CACNA1B: variants seen among roughly 807,000 people sequenced by gnomAD.
CACNA1B encodes voltage-dependent N-type calcium channel subunit alpha-1B.
Under a neutral mutation model 247.2 loss-of-function variants are expected in CACNA1B, and 70 were observed. The observed-to-expected ratio is 0.28, with a 90% CI of 0.23 to 0.35. CACNA1B has a LOEUF of 0.35. CACNA1B is among the 10% of genes least tolerant of loss of function. The pLI is 1.00. For synonymous variants in CACNA1B, 1,231 were observed against 1,294.4 expected (o/e 0.95, Z 1.05); for missense variants, 2,367 against 3,197.4 (o/e 0.74, Z 6.26).
chr9:138,053,002 G>A (rs540830390), intron 25 of CACNA1B, among the ~76,000 whole-genome samples: 2 of 152,348 alleles, frequency 1.3e-5, no homozygotes, highest in African/African-American at 4.8e-5. Context: ...AGGGAATGCT[G>A]AGCTTCCAGG....
At chr9:137,984,295 A>T (rs1303992267) in intron 13 of CACNA1B, 45 bp downstream of exon 13, 2 of 1,378,470 alleles carry the variant, frequency 1.5e-6, no homozygotes, top group African/African-American at 1.4e-5. Flanking sequence ...TAGGGTGGAG[A>T]GGGCGTGGGA....
intron 10 of CACNA1B, among the ~76,000 whole-genome samples, chr9:137,962,778 G>A (rs910312742): frequency 6.6e-6 from 1 of 152,154 alleles, no homozygotes; most frequent in African/African-American, 2.4e-5. Flanking sequence ...TTTTGCATTT[G>A]CTGAGGAGTG....
chr9:138,111,106 A>C (rs1170952724), intron 39 of CACNA1B, among the ~76,000 whole-genome samples: 1 of 152,228 alleles, frequency 6.6e-6, no homozygotes, highest in Non-Finnish European at 1.5e-5. Flanking sequence ...CAGTCGGAAA[A>C]GAAAATGGTG....
intron 12 of CACNA1B, among the ~76,000 whole-genome samples, chr9:137,981,120 C>A (rs1425528698): frequency 6.6e-6 from 1 of 152,168 alleles, no homozygotes; most frequent in African/African-American, 2.4e-5. Flanking sequence ...CCACCAACAT[C>A]CCCTTTTCTC....
chr9:138,026,116 C>G (rs2133443331), intron 20 of CACNA1B, among the ~76,000 whole-genome samples: 1 of 152,334 alleles, frequency 6.6e-6, no homozygotes, highest in Middle Eastern at 3.4e-3. Flanking sequence ...GCAGACAGAT[C>G]TCCAGACACA....
intron 10 of CACNA1B, among the ~76,000 whole-genome samples, chr9:137,960,417 GAGGT>G (rs1958004416): frequency 1.8e-4 from 2 of 10,908 alleles, no homozygotes; most frequent in African/African-American, 3.5e-4. Flanking sequence ...AGGGGGAGGG[GAGGT>G]CAGCCTGAGA....
In CACNA1B at chr9:137,899,946, G is replaced by A. The variant is rs534624892; in HGVS notation, c.531-13234G>A. 2.2e-4 allele frequency among the ~76,000 whole-genome samples: 34 copies of A among 152,312 alleles called. No homozygotes were observed. The highest frequency in any genetic ancestry group is 3.4e-3 in the Middle Eastern group (1 of 294). ...GGTAGGGCTCTGTGCCACAGGGACG[G>A]GGTACAGGGGCTGGCCAGCGTGGGC... On this transcript the variant is annotated intron_variant, in intron 3 of 46. Coordinates refer to ENST00000371372, the MANE Select transcript of CACNA1B (RefSeq NM_000718.4). The surrounding 1 kb of genome is among the most constrained non-coding windows in gnomAD (Gnocchi z 5.0).
rs752746683 is a variant in CACNA1B, at chr9:138,054,751, G to A, written c.3968+745G>A. ...ACTCAGCCTTAGTAGATGCTGCCAG[G>A]CCCTTGTGTAAAATTACACTCTCTC... On this transcript the variant is annotated intron_variant, in intron 26 of 46. Coordinates refer to ENST00000371372, the MANE Select transcript of CACNA1B (RefSeq NM_000718.4). The surrounding 1 kb of genome is among the most constrained non-coding windows in gnomAD (Gnocchi z 4.6). 4.6e-5 allele frequency among the ~76,000 whole-genome samples: 7 copies of A among 152,176 alleles called. No individual in the cohort carries two copies. Among genetic ancestry groups the A allele is most frequent in the Non-Finnish European group, 8.8e-5 (6 of 68,026 alleles).
intron 21 of CACNA1B, among the ~76,000 whole-genome samples, chr9:138,046,597 G>A (rs1454289244): frequency 6.6e-6 from 1 of 152,270 alleles, no homozygotes; most frequent in East Asian, 1.9e-4. Flanking sequence ...GTACTCCAGT[G>A]AAGTTTTATT....
chr9:138,000,168 G>A lies in CACNA1B; in HGVS notation c.1975-6599G>A, dbSNP rs910001099. On this transcript the variant is annotated intron_variant, in intron 15 of 46. Transcript: ENST00000371372. The stretch of plus-strand genomic sequence containing the variant: ...GGCTGGAGTGCAGTGGTGCGATCTC[G>A]GCTCACTGCAAGCTCCGCCTCCCGG... 1.4e-4 allele frequency among the ~76,000 whole-genome samples: 21 copies of A among 150,994 alleles called. 1 individual carries two copies. Among genetic ancestry groups the A allele is most frequent in the South Asian group, 1.3e-3 (6 of 4,772 alleles).
Position 138,115,569 on chromosome 9 carries a change from G to A in CACNA1B, c.5667G>A (p.Leu1889=), listed in dbSNP as rs760427581. Residue 1889 remains leucine (L), a synonymous_variant, in exon 42 of 47, where the codon CTG becomes CTA. Transcript: ENST00000371372. The part of the protein sequence containing the change: ...GGLSQMGPVS[L]FHPLKATLEQ... The stretch of plus-strand genomic sequence containing the variant: ...CTTTGCAGATGGGTCCTGTGTCCCT[G>A]TTCCACCCTCTGAAGGCCACCCTGG... 4 of 1,613,514 alleles carry A rather than the reference G, an allele frequency of 2.5e-6. No homozygotes were observed. The highest frequency in any genetic ancestry group is 1.3e-5 in the African/African-American group (1 of 75,026).
intron 32 of CACNA1B, among the ~76,000 whole-genome samples, chr9:138,070,214 A>C (rs1201225001): frequency 3.3e-5 from 5 of 152,168 alleles, no homozygotes; most frequent in Non-Finnish European, 7.4e-5. Flanking sequence ...CGCTTTGCCC[A>C]GGTGGCCTCT....
At position 137,880,345 on chromosome 9, in the gene CACNA1B, G is replaced by C. The variant is rs573005381; in HGVS notation, c.390+1186G>C. On this transcript the variant is annotated intron_variant, in intron 2 of 46. Coordinates refer to ENST00000371372, the MANE Select transcript of CACNA1B (RefSeq NM_000718.4). This position sits in a 1 kb window ranked among gnomAD's most constrained non-coding sequence, Gnocchi z 4.8. ...CAGCCACACCATGAGGCAGGCGTGA[G>C]TCATGGTCCCTGTGGGGGACTTGGG... 6.6e-6 allele frequency among the ~76,000 whole-genome samples: 1 copy of C among 152,230 alleles called. No individual in the cohort carries two copies. The highest frequency in any genetic ancestry group is 1.5e-5 in the Non-Finnish European group (1 of 68,040).
chr9:138,038,460 A>C (rs548964016), intron 20 of CACNA1B, among the ~76,000 whole-genome samples: 4 of 152,298 alleles, frequency 2.6e-5, no homozygotes, highest in African/African-American at 9.6e-5. Flanking sequence ...CTTTGCCTCC[A>C]GGGGCTTCCT....
In CACNA1B at chr9:138,014,688, C is replaced by T. The variant is rs1029969409; in HGVS notation, c.2267+1453C>T. On this transcript the variant is annotated intron_variant, in intron 18 of 46. Transcript: ENST00000371372. The surrounding 1 kb of genome is among the most constrained non-coding windows in gnomAD (Gnocchi z 6.2). ...GAGTGGTGTGTTCAGCTCCTGGCCT[C>T]GCGCAGGCCTCGTGTTGTTCTCCTG... is the stretch of plus-strand genomic sequence containing the variant. Among the ~76,000 whole-genome samples the T allele has an allele frequency of 3.3e-5, 5 of 152,096 alleles. No individual in the cohort carries two copies. The highest frequency in any genetic ancestry group is 2.1e-4 in the South Asian group (1 of 4,832).
rs1958836541 is a variant in CACNA1B at position 138,020,852 on chromosome 9, G to C, written c.2268-2159G>C. ...GCAAGGGTGAGGGCAGAGCTATATG[G>C]TCTGGAGCCCACCCCACCTTCACAC... On this transcript the variant is annotated intron_variant, in intron 18 of 46. Coordinates refer to ENST00000371372, the MANE Select transcript of CACNA1B (RefSeq NM_000718.4). This position sits in a 1 kb window ranked among gnomAD's most constrained non-coding sequence, Gnocchi z 4.1. Among the ~76,000 whole-genome samples, 1 of 152,226 alleles carries C rather than the reference G, an allele frequency of 6.6e-6. No individual in the cohort carries two copies. Among genetic ancestry groups the C allele is most frequent in the Admixed American group, 6.5e-5 (1 of 15,288 alleles).
At chr9:138,001,117 T>C (rs1302217025) in intron 15 of CACNA1B, among the ~76,000 whole-genome samples, 1 of 152,200 alleles carries the variant, frequency 6.6e-6, no homozygotes, top group Non-Finnish European at 1.5e-5. Context: ...TTCATTCTAG[T>C]AATACAAGAA....
At chr9:138,071,491 C>T (rs1045361452) in intron 32 of CACNA1B, among the ~76,000 whole-genome samples, 7 of 152,190 alleles carry the variant, frequency 4.6e-5, no homozygotes, top group Admixed American at 3.3e-4. Context: ...CGGCCTGCCA[C>T]GCTGTGCTCG....
At chr9:137,901,329 G>T (rs1009061453) in intron 3 of CACNA1B, among the ~76,000 whole-genome samples, 1 of 151,100 alleles carries the variant, frequency 6.6e-6, no homozygotes, top group African/African-American at 2.4e-5. Context: ...TGTGCCGTGT[G>T]TCTCTGTGTT....
Sources: allele counts gnomAD v4.1 joint callset (sites outside exome capture counted in the v4.1 genomes callset), GRCh38; gene constraint gnomAD v4.1.1; non-coding constraint Gnocchi (gnomAD v3.1); transcripts MANE v1.5; gene names NCBI Gene and HGNC (gene_info 2026-07-23, HGNC 2026-07-21).